IGF1R: variants seen among roughly 807,000 people sequenced by gnomAD.
IGF1R encodes insulin like growth factor 1 receptor.
A neutral mutation model predicts 144.6 loss-of-function variants in IGF1R; 44 were observed. That is an observed-to-expected ratio of 0.30 (90% CI 0.24 to 0.39). The LOEUF (loss-of-function observed/expected upper bound fraction) is 0.39. IGF1R is among the 10% of genes least tolerant of loss of function. IGF1R has a pLI of 1.00. For synonymous variants in IGF1R, 795 were observed against 722.8 expected (o/e 1.10, Z -1.60); for missense variants, 1,355 against 1,833.7 (o/e 0.74, Z 4.77).
chr15:98,919,034 A>G (rs2015374354), intron 10 of IGF1R, among the ~76,000 whole-genome samples: 1 of 152,190 alleles, frequency 6.6e-6, no homozygotes, highest in South Asian at 2.1e-4. Flanking sequence ...TTTCTTATCC[A>G]GGATATCTTT....
At chr15:98,936,738 T>G (rs1325787020) in intron 17 of IGF1R, among the ~76,000 whole-genome samples, 1 of 152,126 alleles carries the variant, frequency 6.6e-6, no homozygotes, top group Non-Finnish European at 1.5e-5. Context: ...ACATGGTGTT[T>G]GGGGCCAAGT....
At chr15:98,921,214 C>T (rs771994805) in intron 10 of IGF1R, among the ~76,000 whole-genome samples, 4 of 152,124 alleles carry the variant, frequency 2.6e-5, no homozygotes, top group African/African-American at 2.4e-5. Flanking sequence ...GTGCTCCTCT[C>T]GTATTCTGTT....
In IGF1R at chr15:98,735,257, T is replaced by A. The variant is rs146397560; in HGVS notation, c.640+27150T>A. ...CATTTCCCAGGGAAGAAAGCCCGTT[T>A]CAATTGGCTCAAGCGGAAAAGAGCA... is the stretch of plus-strand genomic sequence containing the variant. On this transcript the variant is annotated intron_variant, in intron 2 of 20. Coordinates refer to ENST00000650285, the MANE Select transcript of IGF1R (RefSeq NM_000875.5). Among the ~76,000 whole-genome samples the A allele has an allele frequency of 3.2e-3, 482 of 152,310 alleles. 2 individuals carry two copies. Among genetic ancestry groups the A allele is most frequent in the African/African-American group, 0.011 (467 of 41,568 alleles).
chr15:98,776,280 G>A lies in IGF1R; in HGVS notation c.640+68173G>A, dbSNP rs1361970828. Among the ~76,000 whole-genome samples the A allele has an allele frequency of 1.3e-5, 2 of 151,816 alleles. 1 individual carries two copies. Among genetic ancestry groups the A allele is most frequent in the African/African-American group, 4.8e-5 (2 of 41,288 alleles). The stretch of plus-strand genomic sequence containing the variant: ...GGTCACTGCAACCTCCGCCTCCCGG[G>A]TTCCAGCAATTCTCCTGCCTCGGCC... On this transcript the variant is annotated intron_variant, in intron 2 of 20. Transcript: ENST00000650285.
chr15:98,829,108 A>T (rs2056954354), intron 2 of IGF1R, among the ~76,000 whole-genome samples: 1 of 152,206 alleles, frequency 6.6e-6, no homozygotes, highest in Non-Finnish European at 1.5e-5. Flanking sequence ...ATTTAAAAAT[A>T]ACCGCCAATT....
chr15:98,952,631 C>T (rs924019760), intron 20 of IGF1R, among the ~76,000 whole-genome samples: 7 of 152,062 alleles, frequency 4.6e-5, no homozygotes, highest in Non-Finnish European at 7.4e-5. Flanking sequence ...CTCGGGTAAA[C>T]GTTTATCTAC....
At chr15:98,810,698 G>T (rs1596322197) in intron 2 of IGF1R, among the ~76,000 whole-genome samples, 1 of 151,876 alleles carries the variant, frequency 6.6e-6, no homozygotes, top group Non-Finnish European at 1.5e-5. Context: ...ACAGGCGCCC[G>T]CCACCACGCC....
intron 1 of IGF1R, among the ~76,000 whole-genome samples, chr15:98,681,970 T>C (rs908475606): frequency 6.6e-6 from 1 of 152,120 alleles, no homozygotes; most frequent in Admixed American, 6.6e-5. Context: ...TTACACTTTT[T>C]CTTTTGAGCT....
At chr15:98,737,672 G>A (rs2054642565) in intron 2 of IGF1R, among the ~76,000 whole-genome samples, 1 of 152,084 alleles carries the variant, frequency 6.6e-6, no homozygotes, top group African/African-American at 2.4e-5. Flanking sequence ...CAATATCTTA[G>A]GGCGAAGAAA....
intron 2 of IGF1R, among the ~76,000 whole-genome samples, chr15:98,820,707 C>T (rs1055541569): frequency 1.2e-4 from 19 of 152,186 alleles, no homozygotes; most frequent in Admixed American, 9.2e-4. Flanking sequence ...AATGATTTTA[C>T]ACATTAAGTG....
At chr15:98,697,797 G>T (rs1406652934) in intron 1 of IGF1R, among the ~76,000 whole-genome samples, 1 of 152,184 alleles carries the variant, frequency 6.6e-6, no homozygotes, top group Non-Finnish European at 1.5e-5. Context: ...GAGTGCGGTG[G>T]CGCGATCTCT....
chr15:98,797,252 G>T (rs928365612), intron 2 of IGF1R, among the ~76,000 whole-genome samples: 26 of 152,234 alleles, frequency 1.7e-4, no homozygotes, highest in Admixed American at 6.5e-5. Flanking sequence ...AGCTTTGGGA[G>T]CTCAGTGTTG....
intron 19 of IGF1R, among the ~76,000 whole-genome samples, chr15:98,946,228 C>T (rs1043028539): frequency 2.0e-5 from 3 of 151,638 alleles, no homozygotes; most frequent in African/African-American, 7.3e-5. Flanking sequence ...GGGTTCCTGG[C>T]AGTGGGAATG....
chr15:98,937,614 G>A (rs1325888789), intron 17 of IGF1R, among the ~76,000 whole-genome samples: 1 of 152,138 alleles, frequency 6.6e-6, no homozygotes, highest in Non-Finnish European at 1.5e-5. Context: ...TTTCACTTAC[G>A]TATCTCACTA....
At chr15:98,728,416 G>A (rs2054417817) in intron 2 of IGF1R, among the ~76,000 whole-genome samples, 1 of 152,236 alleles carries the variant, frequency 6.6e-6, no homozygotes, top group Non-Finnish European at 1.5e-5. Flanking sequence ...GGACAGCAGA[G>A]CAGGGATGAG....
Position 98,878,717 on chromosome 15 carries a change from G to A in IGF1R, c.641-12608G>A, listed in dbSNP as rs117822719. On this transcript the variant is annotated intron_variant, in intron 2 of 20. Coordinates refer to ENST00000650285, the MANE Select transcript of IGF1R (RefSeq NM_000875.5). ...AAAACAACAACAAAAAAAAGGCCAG[G>A]CACGGTGGCTCAGACCTATAATCCC... Among the ~76,000 whole-genome samples, 767 of 144,670 alleles carry A rather than the reference G, an allele frequency of 5.3e-3. 4 individuals are homozygous for A. Among genetic ancestry groups the A allele is most frequent in the Non-Finnish European group, 8.3e-3 (556 of 67,110 alleles). 94.9% of individuals were successfully genotyped at this position (144,670 alleles called of 152,430 possible). A position where few individuals can be genotyped will look rare whatever the true frequency, so the allele number is the denominator to read the frequency against.
At chr15:98,887,634 C>T (rs1052662073) in intron 2 of IGF1R, among the ~76,000 whole-genome samples, 9 of 152,180 alleles carry the variant, frequency 5.9e-5, no homozygotes, top group Admixed American at 5.2e-4. Flanking sequence ...AGAGCAGCCT[C>T]GGTGCTCCAA....
At chr15:98,795,959 A>C (rs2056232057) in intron 2 of IGF1R, among the ~76,000 whole-genome samples, 2 of 152,208 alleles carry the variant, frequency 1.3e-5, no homozygotes, top group Non-Finnish European at 2.9e-5. Flanking sequence ...TACTTTTTGG[A>C]TATCTGAAAC....
intron 2 of IGF1R, among the ~76,000 whole-genome samples, chr15:98,868,730 C>T (rs2012606086): frequency 6.6e-6 from 1 of 152,262 alleles, no homozygotes; most frequent in South Asian, 2.1e-4. Context: ...GGCAGGCCCT[C>T]CCTCTTTGGC....
Sources: gnomAD v4.1 joint callset for allele counts (sites outside exome capture counted in the v4.1 genomes callset) on GRCh38, gnomAD v4.1.1 for gene constraint, MANE v1.5 for transcripts, NCBI Gene and HGNC (gene_info 2026-07-23, HGNC 2026-07-21) for gene names.